DLGAP1: variants seen among roughly 807,000 people sequenced by gnomAD.
DLGAP1 encodes DLG associated protein 1, also known as disks large-associated protein 1.
A neutral mutation model predicts 90.8 loss-of-function variants in DLGAP1; 11 were observed. The ratio of observed to expected loss-of-function variants is 0.12; its 90% CI spans 0.08 to 0.20. The LOEUF (loss-of-function observed/expected upper bound fraction) is 0.20. DLGAP1 is among the 10% of genes least tolerant of loss of function. The pLI is 1.00. For synonymous variants in DLGAP1, 558 were observed against 540.7 expected, an observed-to-expected ratio of 1.03 and a Z score of -0.44; for missense variants, 1,050 against 1,333.8, an observed-to-expected ratio of 0.79 and a Z score of 3.31.
intron 1 of DLGAP1, among the ~76,000 whole-genome samples, chr18:4,450,109 A>G (rs1425962748): frequency 1.3e-5 from 2 of 152,236 alleles, no homozygotes; most frequent in Non-Finnish European, 2.9e-5. Flanking sequence ...CTAGTATAGT[A>G]TGATGAATCA....
In DLGAP1 at chr18:4,070,374, C is replaced by A. The variant is rs368678336; in HGVS notation, c.-158-65173G>T. Among the ~76,000 whole-genome samples, 211 of 152,162 alleles carry A rather than the reference C, an allele frequency of 1.4e-3. 3 individuals are homozygous for A. In the South Asian group the frequency reaches 0.026, roughly 18 times the overall value. On this transcript the variant is annotated intron_variant, in intron 2 of 12. Transcript: ENST00000315677. ...CAGAAATCTTTTTTTTATGATTAATCAACCTCTGGATTCAGAGTCCAGAGT... is the reference window on the plus strand; with the variant it reads ...CAGAAATCTTTTTTTTATGATTAATAAACCTCTGGATTCAGAGTCCAGAGT...
intron 1 of DLGAP1, among the ~76,000 whole-genome samples, chr18:4,186,864 C>A (rs1242081261): frequency 6.6e-6 from 1 of 152,102 alleles, no homozygotes; most frequent in African/African-American, 2.4e-5. Flanking sequence ...TCAGTATGGC[C>A]ATTTTAATGA....
chr18:3,816,275 A>G (rs2067102678), intron 4 of DLGAP1, among the ~76,000 whole-genome samples: 1 of 152,204 alleles, frequency 6.6e-6, no homozygotes, highest in Admixed American at 6.5e-5. Context: ...ATTAATCAAA[A>G]TTTTATGATT....
intron 1 of DLGAP1, among the ~76,000 whole-genome samples, chr18:4,218,826 T>C (rs200404610): frequency 1.1e-4 from 16 of 145,826 alleles, no homozygotes; most frequent in East Asian, 4.1e-4. Context: ...TATACATACA[T>C]ACACACACAC....
chr18:4,082,115 T>G (rs1568385450), intron 2 of DLGAP1, among the ~76,000 whole-genome samples: 1 of 151,060 alleles, frequency 6.6e-6, no homozygotes, highest in African/African-American at 2.4e-5. Context: ...CTAAGGCGAG[T>G]GGATTGCCTG....
chr18:4,245,408 T>G (rs886381339), intron 1 of DLGAP1, among the ~76,000 whole-genome samples: 1 of 152,252 alleles, frequency 6.6e-6, no homozygotes, highest in Non-Finnish European at 1.5e-5. Flanking sequence ...AAAGAGATTT[T>G]CCTGCACATT....
intron 2 of DLGAP1, among the ~76,000 whole-genome samples, chr18:4,046,588 T>C (rs1253192856): frequency 6.6e-6 from 1 of 152,254 alleles, no homozygotes; most frequent in Non-Finnish European, 1.5e-5. Context: ...GCTGGACATA[T>C]TAATTCTGAG....
intron 9 of DLGAP1, among the ~76,000 whole-genome samples, chr18:3,566,949 A>G (rs2054460695): frequency 6.6e-6 from 1 of 152,134 alleles, no homozygotes; most frequent in Non-Finnish European, 1.5e-5. Context: ...ATGAAATCCT[A>G]CATTTCCCAT....
rs542960419 is a variant in DLGAP1 at position 3,668,601 on chromosome 18, CA to C, written c.1591+60533del. 3.2e-4 allele frequency among the ~76,000 whole-genome samples: 49 copies of C among 151,370 alleles called. No homozygotes were observed. The South Asian group carries it at 9.2e-3, about 28-fold the overall frequency. On this transcript the variant is annotated intron_variant, in intron 7 of 12. Transcript: ENST00000315677. The stretch of plus-strand genomic sequence containing the variant: ...TGGCAAAATACTGGACTCCACTGTG[CA>C]AAAAAAAATCTCTGCTCAGGCCTTC...
At chr18:3,533,278 C>T (rs185459224) in intron 10 of DLGAP1, among the ~76,000 whole-genome samples, 1 of 152,054 alleles carries the variant, frequency 6.6e-6, no homozygotes, top group Non-Finnish European at 1.5e-5. Flanking sequence ...GAATAGTGTG[C>T]GAAAAAGAGT....
Position 3,526,504 on chromosome 18 carries a change from G to C in DLGAP1, c.2479+7690C>G, listed in dbSNP as rs1599064696. On this transcript the variant is annotated intron_variant, in intron 10 of 12. Transcript: ENST00000315677. This position sits in a 1 kb window ranked among gnomAD's most constrained non-coding sequence, Gnocchi z 4.7. ...ACTGAAGGCCAAGTTTCACTAGCTTGGATGCTATTACCAGGCAAAATTAAA... is the reference window on the plus strand; with the variant it reads ...ACTGAAGGCCAAGTTTCACTAGCTTCGATGCTATTACCAGGCAAAATTAAA... Among the ~76,000 whole-genome samples the C allele has an allele frequency of 6.6e-6, 1 of 152,228 alleles. No homozygotes were observed. The highest frequency in any genetic ancestry group is 2.4e-5 in the African/African-American group (1 of 41,456).
chr18:3,994,275 C>T (rs181027905), intron 3 of DLGAP1, among the ~76,000 whole-genome samples: 2 of 152,222 alleles, frequency 1.3e-5, no homozygotes, highest in Non-Finnish European at 2.9e-5. Flanking sequence ...GCGATGGCAG[C>T]CTGTCCACAG....
At chr18:3,797,448 C>T (rs746752311) in intron 5 of DLGAP1, among the ~76,000 whole-genome samples, 3 of 152,246 alleles carry the variant, frequency 2.0e-5, no homozygotes, top group East Asian at 1.9e-4. Flanking sequence ...CTGACCATAT[C>T]GGCACCCTCA....
chr18:3,793,303 G>A (rs934982147), intron 5 of DLGAP1, among the ~76,000 whole-genome samples: 1 of 152,038 alleles, frequency 6.6e-6, no homozygotes, highest in Non-Finnish European at 1.5e-5. Flanking sequence ...CCTGTCCACT[G>A]CCCCACCCTG....
intron 1 of DLGAP1, among the ~76,000 whole-genome samples, chr18:4,437,547 G>A (rs1378449225): frequency 6.6e-6 from 1 of 150,558 alleles, no homozygotes; most frequent in Non-Finnish European, 1.5e-5. Context: ...GCGTTGTTTA[G>A]GGAATGATGA....
intron 5 of DLGAP1, among the ~76,000 whole-genome samples, chr18:3,782,729 T>C (rs1369275463): frequency 2.0e-5 from 3 of 152,244 alleles, no homozygotes; most frequent in Non-Finnish European, 4.4e-5. Context: ...TTCCCATCTT[T>C]TCAAACTTAT....
At chr18:3,651,651 G>A (rs953061760) in intron 7 of DLGAP1, among the ~76,000 whole-genome samples, 91 of 151,872 alleles carry the variant, frequency 6.0e-4, no homozygotes, top group African/African-American at 2.0e-3. Context: ...AAATTAAGCC[G>A]GGTGCAGTGG....
chr18:4,151,035 T>C (rs1239770181), intron 2 of DLGAP1, 145 bp downstream of exon 2: 2 of 152,214 alleles, frequency 1.3e-5, no homozygotes, highest in African/African-American at 4.8e-5. Context: ...AGACTGTTAA[T>C]ATGTCTGGAA....
chr18:4,235,719 CTTTTTT>C (rs1175101805), intron 1 of DLGAP1, among the ~76,000 whole-genome samples: 7 of 80,272 alleles, frequency 8.7e-5, no homozygotes, highest in East Asian at 8.4e-4. Flanking sequence ...ATTTCAATGT[CTTTTTT>C]TTTTTTTTTT....
Sources: allele counts gnomAD v4.1 joint callset (sites outside exome capture counted in the v4.1 genomes callset), GRCh38; gene constraint gnomAD v4.1.1; non-coding constraint Gnocchi (gnomAD v3.1); transcripts MANE v1.5; gene names NCBI Gene and HGNC (gene_info 2026-07-23, HGNC 2026-07-21).